ZNF680: variants seen among roughly 807,000 people sequenced by gnomAD.
ZNF680 encodes zinc finger protein 680.
Under a neutral mutation model 12.1 loss-of-function variants are expected in ZNF680, and 6 were observed. The observed-to-expected ratio is 0.49, with a 90% CI of 0.27 to 0.98. The LOEUF (loss-of-function observed/expected upper bound fraction) is 0.98, where lower values mean the gene tolerates loss of function less well. Among genes scored for constraint, ZNF680 ranks in the 50% least tolerant of loss-of-function variants. ZNF680 has a pLI of 0.12. For missense variants in ZNF680, 561 were observed against 616.3 expected (o/e 0.91, Z 0.95); for synonymous variants, 170 against 199.3 (o/e 0.85, Z 1.24).
intron 3 of ZNF680, among the ~76,000 whole-genome samples, chr7:64,533,821 T>C (rs1413539640): frequency 6.6e-6 from 1 of 152,262 alleles, no homozygotes. Flanking sequence ...AATCGGCACA[T>C]AGAACAACGG....
chr7:64,509,263 C>G, the ZNF680 span, among the ~76,000 whole-genome samples: 3 of 152,148 alleles, frequency 2.0e-5, no homozygotes, highest in Admixed American at 6.5e-5. Context: ...CCTTGTCAGC[C>G]CTTTGCCCAA....
At chr7:64,552,605 G>A (rs1024422569) in intron 1 of ZNF680, among the ~76,000 whole-genome samples, 10 of 151,910 alleles carry the variant, frequency 6.6e-5, no homozygotes, top group Non-Finnish European at 1.5e-5. Flanking sequence ...TAACAATTTG[G>A]TAATAAGTTT....
the ZNF680 span, chr7:64,500,753 G>A: frequency 3.4e-6 from 1 of 296,194 alleles, no homozygotes; most frequent in African/African-American, 2.3e-5. Context: ...CCTGGGAGTA[G>A]GAGACTCAGA....
At chr7:64,548,265 A>G (rs1786884472) in intron 1 of ZNF680, among the ~76,000 whole-genome samples, 1 of 152,258 alleles carries the variant, frequency 6.6e-6, no homozygotes, top group South Asian at 2.1e-4. Context: ...ATAGGAAAGT[A>G]AAAAAGAATA....
At chr7:64,543,880 G>A in intron 2 of ZNF680, 78 bp from the exon 3 acceptor site, 1 of 1,187,050 alleles carries the variant, frequency 8.4e-7, no homozygotes, top group South Asian at 1.3e-5. Flanking sequence ...TCAGTAAAGA[G>A]AATGTCATAG....
chr7:64,529,239 T>C (rs1785733688), intron 3 of ZNF680, among the ~76,000 whole-genome samples: 1 of 152,136 alleles, frequency 6.6e-6, no homozygotes, highest in Admixed American at 6.5e-5. Context: ...TCTGGTAATA[T>C]GACAAAACAA....
chr7:64,542,764 T>A (rs1362911791), intron 3 of ZNF680, among the ~76,000 whole-genome samples: 1 of 152,184 alleles, frequency 6.6e-6, no homozygotes, highest in East Asian at 1.9e-4. Flanking sequence ...AGTGGTACAA[T>A]CTCAGCTCAC....
At chr7:64,500,086 C>T in the ZNF680 span, among the ~76,000 whole-genome samples, 3 of 151,950 alleles carry the variant, frequency 2.0e-5, no homozygotes, top group African/African-American at 7.3e-5. Context: ...GTGGCTCTGA[C>T]CTAACTCGGC....
intron 1 of ZNF680, among the ~76,000 whole-genome samples, chr7:64,545,137 G>A (rs963073320): frequency 7.2e-5 from 11 of 151,898 alleles, no homozygotes; most frequent in Non-Finnish European, 1.2e-4. Flanking sequence ...AATGATGTGC[G>A]TCTGTAATTC....
At chr7:64,515,336 AC>A (rs916641614), downstream of ZNF680, among the ~76,000 whole-genome samples, 13 of 148,408 alleles carry the variant, frequency 8.8e-5, no homozygotes, top group Admixed American at 2.7e-4. Context: ...TTAAACTAGC[AC>A]CCCCCCCTAA....
chr7:64,539,351 C>CAA lies in ZNF680; in HGVS notation c.253+4354_253+4355dup, dbSNP rs1170166478. Among the ~76,000 whole-genome samples the CAA allele has an allele frequency of 5.3e-3, 254 of 48,250 alleles. 2 individuals carry two copies. The highest frequency in any genetic ancestry group is 5.7e-3 in the East Asian group (7 of 1,232). The allele number at this position is 48,250 out of a possible 152,430, so 31.7% of individuals were successfully genotyped here. A position where few individuals can be genotyped will look rare whatever the true frequency, so the allele number is the denominator to read the frequency against. On this transcript the variant is annotated intron_variant, in intron 3 of 3. Coordinates refer to ENST00000309683, the MANE Select transcript of ZNF680 (RefSeq NM_178558.5). Reference sequence around the variant, plus strand: ...GGGCAACAAGAGCAAAACTTCGTCTCAAAAAAAAAAAAAAAAAAAAAAAAG... The same window carrying CAA: ...GGGCAACAAGAGCAAAACTTCGTCTCAAAAAAAAAAAAAAAAAAAAAAAAAAG...
At chr7:64,539,374 AAG>A (rs763938414) in intron 3 of ZNF680, among the ~76,000 whole-genome samples, 14 of 58,194 alleles carry the variant, frequency 2.4e-4, no homozygotes, top group African/African-American at 1.2e-3. Context: ...AAAAAAAAAA[AAG>A]AAAAGAAAAT....
chr7:64,553,351 A>G (rs79860071), intron 1 of ZNF680, among the ~76,000 whole-genome samples: 3 of 152,204 alleles, frequency 2.0e-5, no homozygotes, highest in African/African-American at 7.2e-5. Context: ...TGCTTTAAGA[A>G]AAGAGAGATG....
intron 3 of ZNF680, among the ~76,000 whole-genome samples, chr7:64,539,216 A>G (rs1209615120): frequency 2.0e-5 from 3 of 151,112 alleles, no homozygotes; most frequent in African/African-American, 7.3e-5. Context: ...ATATGTATAC[A>G]ATGGAATATT....
At chr7:64,505,364 GTAAT>G in the ZNF680 span, among the ~76,000 whole-genome samples, 1 of 152,192 alleles carries the variant, frequency 6.6e-6, no homozygotes, top group Non-Finnish European at 1.5e-5. Context: ...AAAACCCTCT[GTAAT>G]TAGATGTCAA....
intron 3 of ZNF680, among the ~76,000 whole-genome samples, chr7:64,522,804 T>C (rs1284777660): frequency 6.6e-6 from 1 of 151,992 alleles, no homozygotes; most frequent in Non-Finnish European, 1.5e-5. Context: ...ATAGTCTTTT[T>C]AAATAACCAG....
chr7:64,544,397 G>T lies in ZNF680; in HGVS notation c.66C>A (p.Phe22Leu). 3 of 1,603,240 alleles carry T rather than the reference G, an allele frequency of 1.9e-6. No individual in the cohort carries two copies. Among genetic ancestry groups the T allele is most frequent in the Non-Finnish European group, 2.6e-6 (3 of 1,173,384 alleles). Residue 22 changes from phenylalanine (F) to leucine (L), a missense_variant, in exon 2 of 4, where the codon TTC becomes TTA. Phe to Leu is a conservative substitution (Grantham distance 22, BLOSUM62 0). Transcript: ENST00000309683. The part of the protein sequence containing the change: ...PLTFRDVAIE[F>L]SLEEWQCLDT... ...CCAGGCATTGCCACTCCTCCAGAGA[G>T]AATTCTATGGCCACATCCCTAAATG... is the stretch of plus-strand genomic sequence containing the variant.
At chr7:64,555,312 A>G (rs1340381754) in intron 1 of ZNF680, among the ~76,000 whole-genome samples, 3 of 151,446 alleles carry the variant, frequency 2.0e-5, no homozygotes, top group Non-Finnish European at 4.4e-5. Context: ...CCACACACAC[A>G]GAGCACAGCT....
At chr7:64,510,402 T>A in the ZNF680 span, among the ~76,000 whole-genome samples, 2 of 151,664 alleles carry the variant, frequency 1.3e-5, no homozygotes, top group Non-Finnish European at 2.9e-5. Context: ...CCTACCTGTA[T>A]CCCAACTCAA....
Sources: allele counts gnomAD v4.1 joint callset (sites outside exome capture counted in the v4.1 genomes callset), GRCh38; gene constraint gnomAD v4.1.1; transcripts MANE v1.5; gene names NCBI Gene and HGNC (gene_info 2026-07-23, HGNC 2026-07-21).